Variants in ANXA8 observed in about 807,000 individuals in gnomAD.
ANXA8 encodes the protein annexin A8, also known as VAC-beta.
In ANXA8, 9 loss-of-function variants were observed where a neutral mutation model predicts 26.8. The ratio of observed to expected loss-of-function variants is 0.34; its 90% CI spans 0.20 to 0.59. The LOEUF (loss-of-function observed/expected upper bound fraction) is 0.59, where lower values mean the gene tolerates loss of function less well. ANXA8 is among the 20% of genes least tolerant of loss of function. The pLI, the probability that ANXA8 is intolerant of heterozygous loss-of-function variation, is 0.84. For missense variants in ANXA8, 83 were observed against 238.5 expected, an observed-to-expected ratio of 0.35 and a Z score of 4.29; for synonymous variants, 39 against 94.8, an observed-to-expected ratio of 0.41 and a Z score of 3.42.
chr10:47,681,850 C>G, the ANXA8 span, among the ~76,000 whole-genome samples: 7 of 117,610 alleles, frequency 6.0e-5, no homozygotes, highest in Admixed American at 6.5e-4. Context: ...CAAATTCTGG[C>G]CTTTTGATGT....
chr10:47,762,883 C>T, the ANXA8 span: 20 of 1,437,576 alleles, frequency 1.4e-5, 1 homozygote, highest in African/African-American at 1.7e-4. Context: ...GGTGGAGGGG[C>T]GCAGAGCCGA....
chr10:47,604,248 T>TA, the ANXA8 span, among the ~76,000 whole-genome samples: 1 of 152,256 alleles, frequency 6.6e-6, no homozygotes, highest in Non-Finnish European at 1.5e-5. Flanking sequence ...AAAGAAAACT[T>TA]GCTACTGTAC....
chr10:47,495,871 A>G, the ANXA8 span, among the ~76,000 whole-genome samples: 1 of 151,570 alleles, frequency 6.6e-6, no homozygotes, highest in African/African-American at 2.4e-5. Flanking sequence ...CCAGCAACAC[A>G]CATTCCCAGC....
chr10:47,777,526 G>A, the ANXA8 span, among the ~76,000 whole-genome samples: 1 of 152,254 alleles, frequency 6.6e-6, no homozygotes, highest in African/African-American at 2.4e-5. Flanking sequence ...CACCCAATAT[G>A]CAACAGCCAG....
At chr10:47,564,974 A>G in the ANXA8 span, 1 of 1,167,076 alleles carries the variant, frequency 8.6e-7, no homozygotes, top group Non-Finnish European at 1.3e-6. Flanking sequence ...CAAGCTGTCC[A>G]GCTGCCAAGT....
At chr10:47,665,367 G>A in the ANXA8 span, among the ~76,000 whole-genome samples, 10 of 150,858 alleles carry the variant, frequency 6.6e-5, no homozygotes, top group East Asian at 5.8e-4. Flanking sequence ...TGTTACATCC[G>A]TGGAATAGCT....
the ANXA8 span, among the ~76,000 whole-genome samples, chr10:47,660,808 C>CAAAA: frequency 1.6e-5 from 1 of 61,008 alleles, no homozygotes; most frequent in African/African-American, 5.2e-5. Flanking sequence ...CACTGACTGT[C>CAAAA]AAAAAAAAAA....
At chr10:47,755,006 G>C in the ANXA8 span, among the ~76,000 whole-genome samples, 1 of 131,540 alleles carries the variant, frequency 7.6e-6, no homozygotes. Flanking sequence ...GGACAGGCTG[G>C]AGTGCAGTTG....
chr10:47,670,580 T>TG, the ANXA8 span, among the ~76,000 whole-genome samples: 30 of 151,972 alleles, frequency 2.0e-4, no homozygotes, highest in Admixed American at 2.0e-3. Context: ...AAGTGGTATC[T>TG]TTTTGTTTTG....
At chr10:47,720,984 CA>C in the ANXA8 span, among the ~76,000 whole-genome samples, 4,843 of 95,312 alleles carry the variant, frequency 0.051, 396 homozygotes, top group African/African-American at 0.14. Flanking sequence ...CCATCTCTAC[CA>C]AAAAAAAAAA....
chr10:47,487,929 T>G (rs1489135460), upstream of ANXA8, among the ~76,000 whole-genome samples: 1 of 151,260 alleles, frequency 6.6e-6, no homozygotes, highest in African/African-American at 2.4e-5. Context: ...TCTAAATGTT[T>G]ACGATGTCTT....
At chr10:47,637,104 G>GT in the ANXA8 span, among the ~76,000 whole-genome samples, 1 of 147,266 alleles carries the variant, frequency 6.8e-6, no homozygotes, top group East Asian at 1.9e-4. Flanking sequence ...GACTCCTTTG[G>GT]TAACACATGC....
At chr10:47,549,604 GA>G in the ANXA8 span, among the ~76,000 whole-genome samples, 5 of 143,034 alleles carry the variant, frequency 3.5e-5, no homozygotes, top group Non-Finnish European at 7.5e-5. Flanking sequence ...AGCCTACCCA[GA>G]TGAATAAAAG....
chr10:47,744,549 C>A, the ANXA8 span, among the ~76,000 whole-genome samples: 138 of 149,442 alleles, frequency 9.2e-4, no homozygotes, highest in East Asian at 4.4e-3. Flanking sequence ...AGAAACATAC[C>A]TCTTGAAATA....
the ANXA8 span, among the ~76,000 whole-genome samples, chr10:47,778,020 G>A: frequency 2.6e-5 from 4 of 152,058 alleles, no homozygotes; most frequent in East Asian, 1.9e-4. Flanking sequence ...GTACCAGCCC[G>A]ACTCATGGTT....
chr10:47,646,574 A>G, the ANXA8 span, among the ~76,000 whole-genome samples: 1 of 151,380 alleles, frequency 6.6e-6, no homozygotes. Flanking sequence ...TGAGACAGAA[A>G]CAGGCCAATA....
At chr10:47,743,027 C>A in the ANXA8 span, among the ~76,000 whole-genome samples, 17 of 143,316 alleles carry the variant, frequency 1.2e-4, no homozygotes, top group African/African-American at 3.9e-4. Context: ...AAAAATTAGC[C>A]GGGCGTGGTG....
At chr10:47,622,077 T>G in the ANXA8 span, among the ~76,000 whole-genome samples, 1 of 112,214 alleles carries the variant, frequency 8.9e-6, no homozygotes, top group Non-Finnish European at 1.9e-5. Context: ...AAAAAAAATG[T>G]ATAGGTTATA....
the ANXA8 span, among the ~76,000 whole-genome samples, chr10:47,746,888 C>A: frequency 1.1e-4 from 12 of 112,142 alleles, no homozygotes; most frequent in Admixed American, 3.9e-4. Flanking sequence ...AATCCCATTC[C>A]CTGTATAAAA....
Sources: gnomAD v4.1 joint callset for allele counts (sites outside exome capture counted in the v4.1 genomes callset) on GRCh38, gnomAD v4.1.1 for gene constraint, MANE v1.5 for transcripts, NCBI Gene and HGNC (gene_info 2026-07-23, HGNC 2026-07-21) for gene names.